The following TDP2 variants were observed in gnomAD, a reference collection of about 807,000 sequenced individuals.
TDP2 encodes 5'-Tyr-DNA phosphodiesterase.
In TDP2, 38 loss-of-function variants were observed where a neutral mutation model predicts 42.8. That is an observed-to-expected ratio of 0.89 (90% CI 0.68 to 1.16). The LOEUF (loss-of-function observed/expected upper bound fraction) is 1.16. Ranked by LOEUF, TDP2 falls within the 50% of genes most tolerant of loss-of-function variation. The pLI is 0.00. For missense variants in TDP2, 439 were observed against 439.3 expected (o/e 1.00, Z 0.01); for synonymous variants, 173 against 150.6 (o/e 1.15, Z -1.09).
intron 2 of TDP2, among the ~76,000 whole-genome samples, chr6:24,663,005 C>T (rs777034914): frequency 6.6e-6 from 1 of 152,196 alleles, no homozygotes; most frequent in Non-Finnish European, 1.5e-5. Context: ...CCGGCACACA[C>T]ACCTTTTTTT....
chr6:24,660,460 C>G (rs1225157369), intron 2 of TDP2, among the ~76,000 whole-genome samples: 1 of 152,186 alleles, frequency 6.6e-6, no homozygotes, highest in Non-Finnish European at 1.5e-5. Context: ...CACAATGGCA[C>G]TTACTTGTGT....
At chr6:24,657,270 T>G (rs1439042632) in intron 4 of TDP2, among the ~76,000 whole-genome samples, 2 of 152,050 alleles carry the variant, frequency 1.3e-5, no homozygotes, top group Non-Finnish European at 2.9e-5. Flanking sequence ...GGAAACTGAG[T>G]ATGTGCGAAT....
Position 24,666,840 on chromosome 6 carries a change from T to G in TDP2, c.23A>C (p.Glu8Ala), listed in dbSNP as rs1386987037. 6.2e-7 allele frequency: 1 copy of G among 1,613,942 alleles called. No individual in the cohort carries two copies. Among genetic ancestry groups the G allele is most frequent in the Non-Finnish European group, 8.5e-7 (1 of 1,180,004 alleles). Residue 8 changes from glutamate to alanine, a missense_variant, in exon 1 of 7, where the codon GAG becomes GCG. Glu to Ala is a moderately radical substitution (Grantham distance 107, BLOSUM62 -1). Coordinates refer to ENST00000378198, the MANE Select transcript of TDP2 (RefSeq NM_016614.3). ...TTCCTCCGCCGCCTCCCTCCCGCCC[T>G]CCAGGCAACTCCCCAACTCCATCTT... MELGSCL[E>A]GGREAAEEEG...
chr6:24,653,341 G>A (rs1239557876), intron 5 of TDP2, among the ~76,000 whole-genome samples, 188 bp from the exon 6 acceptor site: 3 of 152,188 alleles, frequency 2.0e-5, no homozygotes, highest in Non-Finnish European at 4.4e-5. Context: ...CAAAGACGAC[G>A]GTTTAGCAAG....
chr6:24,662,126 T>A (rs13203030), intron 2 of TDP2, among the ~76,000 whole-genome samples: 2 of 152,166 alleles, frequency 1.3e-5, no homozygotes, highest in South Asian at 4.1e-4. Flanking sequence ...CACATGGACC[T>A]CTGCCCAAGA....
intron 2 of TDP2, chr6:24,666,017 G>A (rs1227146166): frequency 4.2e-6 from 6 of 1,442,434 alleles, no homozygotes; most frequent in Non-Finnish European, 5.5e-6. Context: ...ATAGTAGAGG[G>A]CCTTGTAAGG....
At chr6:24,664,885 G>T (rs553008711) in intron 2 of TDP2, among the ~76,000 whole-genome samples, 2 of 152,252 alleles carry the variant, frequency 1.3e-5, no homozygotes, top group East Asian at 3.9e-4. Flanking sequence ...TACCATTCCG[G>T]GGTAAGAGAA....
intron 2 of TDP2, chr6:24,666,131 C>T: frequency 6.5e-7 from 1 of 1,548,610 alleles, no homozygotes; most frequent in Non-Finnish European, 8.7e-7. Flanking sequence ...GTTATTCTGG[C>T]CGGTCAGCCT....
Position 24,650,792 on chromosome 6 carries a change from A to G in TDP2, c.1085T>C (p.Leu362Ser). The change falls in exon 7 of 7, where the codon TTG becomes TCG. Residue 362 changes from leucine to serine, a missense_variant. Transcript: ENST00000378198. ...AACCCACACTTGAAAAGCATTTTAC[A>G]ATATTATATCTAAGTTGCACAGAAG... ...WGLLCNLDII[L>S] is the part of the protein sequence containing the mutation. 1 of 1,612,496 alleles carries G rather than the reference A, an allele frequency of 6.2e-7. No homozygotes were observed. Among genetic ancestry groups the G allele is most frequent in the Non-Finnish European group, 8.5e-7 (1 of 1,178,968 alleles).
chr6:24,660,533 ATCT>A (rs1413124046), intron 2 of TDP2, among the ~76,000 whole-genome samples: 1 of 152,270 alleles, frequency 6.6e-6, no homozygotes, highest in African/African-American at 2.4e-5. Flanking sequence ...TTATGGGATC[ATCT>A]TCATTTATGC....
intron 2 of TDP2, among the ~76,000 whole-genome samples, chr6:24,661,935 G>GT: frequency 6.6e-6 from 1 of 152,308 alleles, no homozygotes; most frequent in East Asian, 1.9e-4. Flanking sequence ...CTGTTAATCT[G>GT]TAACTCTAGC....
At chr6:24,657,949 C>A in intron 3 of TDP2, 46 bp from the exon 4 acceptor site, 1 of 1,306,142 alleles carries the variant, frequency 7.7e-7, no homozygotes, top group South Asian at 1.3e-5. Context: ...TATACCATTT[C>A]ATTTTCAGCT....
chr6:24,666,349 G>T, intron 2 of TDP2, 177 bp downstream of exon 2: 5 of 1,480,378 alleles, frequency 3.4e-6, no homozygotes, highest in East Asian at 4.6e-5. Flanking sequence ...TAGATCCGCT[G>T]CTGGGGCGCA....
In TDP2 at chr6:24,650,681, T is replaced by G. The variant is rs565679865; in HGVS notation, c.*107A>C. The G allele has an allele frequency of 5.3e-6, 6 of 1,121,750 alleles. No individual in the cohort carries two copies. The African/African-American group carries it at 7.9e-5, about 15-fold the overall frequency. The allele number at this position is 1,121,750 out of a possible 1,614,324, so 69.5% of individuals were successfully genotyped here. A position where few individuals can be genotyped will look rare whatever the true frequency, so the allele number is the denominator to read the frequency against. On this transcript the variant is annotated 3_prime_UTR_variant, in exon 7 of 7. Transcript: ENST00000378198. ...AACCATAAATCATAGTTGGTTTTTC[T>G]GTGACAATGATCTAGTACATTATTT...
At chr6:24,663,540 A>C (rs1481885884) in intron 2 of TDP2, among the ~76,000 whole-genome samples, 2 of 152,116 alleles carry the variant, frequency 1.3e-5, no homozygotes, top group Non-Finnish European at 2.9e-5. Context: ...TAATGTTGGT[A>C]GTGGGGTCCA....
intron 2 of TDP2, among the ~76,000 whole-genome samples, chr6:24,664,665 ATT>A (rs149988446): frequency 1.3e-5 from 2 of 151,374 alleles, no homozygotes; most frequent in South Asian, 4.2e-4. Flanking sequence ...CTTCCAATCA[ATT>A]TTTTTTTCCC....
intron 4 of TDP2, among the ~76,000 whole-genome samples, chr6:24,655,334 T>C (rs986164797): frequency 1.3e-5 from 2 of 152,190 alleles, no homozygotes; most frequent in African/African-American, 4.8e-5. Context: ...GGAGAAGTGG[T>C]AACCGGTTTA....
intron 2 of TDP2, among the ~76,000 whole-genome samples, chr6:24,662,529 TC>T (rs1334367184): frequency 2.6e-5 from 4 of 151,202 alleles, no homozygotes; most frequent in Non-Finnish European, 5.9e-5. Flanking sequence ...TGACACAGAG[TC>T]CTTTGCTCAC....
intron 6 of TDP2, among the ~76,000 whole-genome samples, chr6:24,651,647 T>TGGC (rs1437059824): frequency 8.9e-6 from 1 of 111,738 alleles, no homozygotes; most frequent in Non-Finnish European, 1.8e-5. Flanking sequence ...GATGGAGTGG[T>TGGC]GCAATCTCGG....
Sources: gnomAD v4.1 joint callset for allele counts (sites outside exome capture counted in the v4.1 genomes callset) on GRCh38, gnomAD v4.1.1 for gene constraint, MANE v1.5 for transcripts, NCBI Gene and HGNC (gene_info 2026-07-23, HGNC 2026-07-21) for gene names.